The following GPM6A variants were observed in gnomAD, a reference collection of about 807,000 sequenced individuals.
GPM6A encodes the protein glycoprotein M6A.
In GPM6A, 7 loss-of-function variants were observed where a neutral mutation model predicts 32.1. The ratio of observed to expected loss-of-function variants is 0.22; its 90% CI spans 0.12 to 0.41. The LOEUF is 0.41. Among genes scored for constraint, GPM6A ranks in the 10% least tolerant of loss-of-function variants. GPM6A has a pLI of 1.00. For synonymous variants in GPM6A, 130 were observed against 123.4 expected (o/e 1.05, Z -0.35); for missense variants, 235 against 347.2 (o/e 0.68, Z 2.57).
At chr4:175,665,818 T>C (rs1742719889) in intron 3 of GPM6A, among the ~76,000 whole-genome samples, 1 of 152,020 alleles carries the variant, frequency 6.6e-6, no homozygotes, top group Non-Finnish European at 1.5e-5. Flanking sequence ...GAATATACAT[T>C]TTTTCCAGCA....
At chr4:175,885,248 A>T (rs1737414325) in intron 1 of GPM6A, among the ~76,000 whole-genome samples, 1 of 152,250 alleles carries the variant, frequency 6.6e-6, no homozygotes, top group South Asian at 2.1e-4. Context: ...TCTCACAAGG[A>T]TTATGTTAAG....
chr4:175,688,309 T>C (rs982879546), intron 2 of GPM6A, among the ~76,000 whole-genome samples: 1 of 152,242 alleles, frequency 6.6e-6, no homozygotes, highest in Non-Finnish European at 1.5e-5. Flanking sequence ...CTATGTTTTC[T>C]TCTAGCAGTT....
intron 1 of GPM6A, among the ~76,000 whole-genome samples, chr4:175,920,723 C>T (rs2111525074): frequency 6.6e-6 from 1 of 152,026 alleles, no homozygotes; most frequent in East Asian, 1.9e-4. Flanking sequence ...GTGGTGCGTG[C>T]CTGTAATCCT....
At chr4:175,751,975 C>T (rs1203826004) in intron 1 of GPM6A, among the ~76,000 whole-genome samples, 1 of 152,122 alleles carries the variant, frequency 6.6e-6, no homozygotes, top group Non-Finnish European at 1.5e-5. Flanking sequence ...ACAAACAAAA[C>T]AGGAGTCAAT....
chr4:175,872,468 G>T (rs531246855), intron 1 of GPM6A, among the ~76,000 whole-genome samples: 1 of 152,304 alleles, frequency 6.6e-6, no homozygotes, highest in Non-Finnish European at 1.5e-5. Flanking sequence ...ATGATGAGTT[G>T]CCATGCAAAT....
chr4:175,904,598 C>T lies in GPM6A; in HGVS notation c.-22-92349G>A, dbSNP rs557098928. On this transcript the variant is annotated intron_variant, in intron 1 of 7. Transcript: ENST00000280187. ...ACCACTTGGCACTCAACACTGGTAA[C>T]CCTGAAAGGATGAACGTTTGGAGAT... Among the ~76,000 whole-genome samples the T allele has an allele frequency of 2.0e-5, 3 of 152,130 alleles. No individual in the cohort carries two copies. In the South Asian group the frequency reaches 6.2e-4, roughly 32 times the overall value.
chr4:175,883,165 T>C (rs1188007531), intron 1 of GPM6A, among the ~76,000 whole-genome samples: 1 of 152,064 alleles, frequency 6.6e-6, no homozygotes, highest in Non-Finnish European at 1.5e-5. Flanking sequence ...GGGAAACTAC[T>C]AGATTGAAAC....
chr4:175,964,164 C>T (rs1370910066), intron 1 of GPM6A, among the ~76,000 whole-genome samples: 1 of 151,464 alleles, frequency 6.6e-6, no homozygotes, highest in African/African-American at 2.4e-5. Flanking sequence ...AGCACAGTAA[C>T]AAACATGATA....
chr4:175,786,300 T>TG (rs1035243092), intron 1 of GPM6A, among the ~76,000 whole-genome samples: 10 of 151,624 alleles, frequency 6.6e-5, no homozygotes, highest in Non-Finnish European at 8.8e-5. Flanking sequence ...TGTTTTGTTT[T>TG]TTTTTTTTTG....
At chr4:175,660,620 A>AT (rs1243312154) in intron 3 of GPM6A, among the ~76,000 whole-genome samples, 1 of 152,182 alleles carries the variant, frequency 6.6e-6, no homozygotes. Context: ...TATAATCACA[A>AT]TTTTTTAAAA....
At chr4:175,988,167 T>C (rs529057545) in intron 1 of GPM6A, among the ~76,000 whole-genome samples, 2 of 152,286 alleles carry the variant, frequency 1.3e-5, no homozygotes, top group South Asian at 4.1e-4. Flanking sequence ...GAACTTTTTG[T>C]AAATATTTGT....
At chr4:175,675,706 G>A (rs1743324394) in intron 2 of GPM6A, among the ~76,000 whole-genome samples, 1 of 152,060 alleles carries the variant, frequency 6.6e-6, no homozygotes. Context: ...CTGGAGTGCA[G>A]TGACACGAGC....
chr4:175,721,048 A>G (rs1166481937), intron 1 of GPM6A, among the ~76,000 whole-genome samples: 1 of 104,094 alleles, frequency 9.6e-6, no homozygotes, highest in East Asian at 2.5e-4. Context: ...TATTATATAT[A>G]TATATGTACT....
chr4:175,821,822 A>G (rs1249973962), intron 1 of GPM6A, among the ~76,000 whole-genome samples: 2 of 152,108 alleles, frequency 1.3e-5, no homozygotes, highest in Non-Finnish European at 1.5e-5. Context: ...ACTCTCCTAT[A>G]GTTCTAATAA....
At chr4:175,952,875 A>G (rs1354404952) in intron 1 of GPM6A, among the ~76,000 whole-genome samples, 3 of 151,876 alleles carry the variant, frequency 2.0e-5, no homozygotes, top group African/African-American at 7.3e-5. Context: ...GCAAAACCCC[A>G]TTTCCACTAA....
intron 1 of GPM6A, among the ~76,000 whole-genome samples, chr4:175,982,722 T>C (rs1406335066): frequency 6.6e-6 from 1 of 152,176 alleles, no homozygotes; most frequent in Non-Finnish European, 1.5e-5. Flanking sequence ...GCTTTGGCTA[T>C]TCTACTTCCT....
intron 1 of GPM6A, chr4:175,947,721 A>C (rs1396648752): frequency 6.6e-6 from 1 of 152,218 alleles, no homozygotes; most frequent in African/African-American, 2.4e-5. Context: ...AACACAAATA[A>C]TTTAACCAAA....
At chr4:175,859,560 T>C (rs1736512635) in intron 1 of GPM6A, among the ~76,000 whole-genome samples, 1 of 152,188 alleles carries the variant, frequency 6.6e-6, no homozygotes, top group African/African-American at 2.4e-5. Flanking sequence ...ATGTTTACTG[T>C]GTAGCAGAAG....
intron 1 of GPM6A, among the ~76,000 whole-genome samples, chr4:175,928,589 C>T (rs2111539369): frequency 6.6e-6 from 1 of 152,288 alleles, no homozygotes; most frequent in East Asian, 1.9e-4. Flanking sequence ...AGAGTCATTT[C>T]AGAAAGAAAA....
Sources: gnomAD v4.1 joint callset for allele counts (sites outside exome capture counted in the v4.1 genomes callset) on GRCh38, gnomAD v4.1.1 for gene constraint, MANE v1.5 for transcripts, NCBI Gene and HGNC (gene_info 2026-07-23, HGNC 2026-07-21) for gene names.